The following SLC24A4 variants were observed in gnomAD, a reference collection of about 807,000 sequenced individuals.
SLC24A4 encodes solute carrier family 24 member 4.
A neutral mutation model predicts 79.0 loss-of-function variants in SLC24A4; 53 were observed. The observed-to-expected ratio is 0.67, with a 90% confidence interval of 0.54 to 0.84. The LOEUF (loss-of-function observed/expected upper bound fraction) is 0.84, where lower values mean the gene tolerates loss of function less well. Ranked by LOEUF, SLC24A4 falls within the 40% of genes least tolerant of loss-of-function variation. The probability of loss-of-function intolerance (pLI) is 0.00; values close to 1 mark genes in which losing one functional copy is unlikely to be tolerated. For synonymous variants in SLC24A4, 323 were observed against 323.8 expected, an observed-to-expected ratio of 1.00 and a Z score of 0.03; for missense variants, 731 against 822.0, an observed-to-expected ratio of 0.89 and a Z score of 1.35.
intron 2 of SLC24A4, among the ~76,000 whole-genome samples, chr14:92,392,826 A>G (rs1477580457): frequency 2.1e-5 from 3 of 145,762 alleles, no homozygotes; most frequent in African/African-American, 7.3e-5. Context: ...TGTGAGGAAT[A>G]CCTCTTCCTC....
intron 13 of SLC24A4, chr14:92,484,335 A>G: frequency 5.1e-6 from 5 of 985,344 alleles, no homozygotes; most frequent in Non-Finnish European, 6.0e-6. Flanking sequence ...GTCCTTACTC[A>G]TGCAGCAGCC....
chr14:92,454,576 T>C (rs115364060), intron 11 of SLC24A4, among the ~76,000 whole-genome samples: 1,759 of 152,326 alleles, frequency 0.012, 26 homozygotes, highest in African/African-American at 0.039. Flanking sequence ...CAAAGATAGG[T>C]TCATTGCTCA....
At chr14:92,331,712 A>G (rs573889018) in intron 2 of SLC24A4, among the ~76,000 whole-genome samples, 39 of 152,334 alleles carry the variant, frequency 2.6e-4, no homozygotes, top group African/African-American at 8.7e-4. Flanking sequence ...AATGAAGGTG[A>G]TAATTACAGT....
chr14:92,360,735 C>T (rs879263167), intron 2 of SLC24A4, among the ~76,000 whole-genome samples: 12 of 152,224 alleles, frequency 7.9e-5, no homozygotes, highest in Admixed American at 6.5e-5. Flanking sequence ...ACGCATTGCA[C>T]ATCCTCCATC....
chr14:92,479,012 AAC>A (rs1179756394), intron 12 of SLC24A4, among the ~76,000 whole-genome samples: 2 of 152,290 alleles, frequency 1.3e-5, no homozygotes, highest in Non-Finnish European at 2.9e-5. Flanking sequence ...AATGTAGAAA[AAC>A]ACAACTGAAT....
chr14:92,399,167 C>T (rs906903305), intron 2 of SLC24A4, among the ~76,000 whole-genome samples: 8 of 152,174 alleles, frequency 5.3e-5, no homozygotes, highest in Non-Finnish European at 8.8e-5. Flanking sequence ...ATAGAGTTCT[C>T]TGGACCCTGG....
At chr14:92,426,498 G>T (rs1399790506) in intron 2 of SLC24A4, among the ~76,000 whole-genome samples, 1 of 152,194 alleles carries the variant, frequency 6.6e-6, no homozygotes, top group Non-Finnish European at 1.5e-5. Flanking sequence ...TATAGTGGTT[G>T]CTCCTGGAAA....
At chr14:92,368,667 A>G (rs987433527) in intron 2 of SLC24A4, among the ~76,000 whole-genome samples, 3 of 152,174 alleles carry the variant, frequency 2.0e-5, no homozygotes, top group Non-Finnish European at 2.9e-5. Flanking sequence ...AAGCAGAAGT[A>G]TGGGCAGTAA....
intron 2 of SLC24A4, among the ~76,000 whole-genome samples, chr14:92,390,086 A>T (rs1009580279): frequency 6.0e-5 from 9 of 150,396 alleles, no homozygotes; most frequent in Non-Finnish European, 1.2e-4. Context: ...CTCCTTCCTT[A>T]TCTCAGGTCT....
intron 16 of SLC24A4, chr14:92,492,743 A>C: frequency 2.4e-6 from 1 of 412,304 alleles, no homozygotes; most frequent in Non-Finnish European, 4.9e-6. Flanking sequence ...AACTTTCCCA[A>C]GGTCACAGAA....
intron 2 of SLC24A4, among the ~76,000 whole-genome samples, chr14:92,388,189 C>T (rs1889270191): frequency 6.6e-6 from 1 of 152,190 alleles, no homozygotes; most frequent in South Asian, 2.1e-4. Context: ...CACTCCCAGC[C>T]TCCCCTTGGC....
intron 12 of SLC24A4, among the ~76,000 whole-genome samples, chr14:92,471,907 T>G (rs1894458663): frequency 6.6e-6 from 1 of 152,150 alleles, no homozygotes; most frequent in Non-Finnish European, 1.5e-5. Context: ...CCAATTCACA[T>G]TAGCAAAAAG....
intron 12 of SLC24A4, among the ~76,000 whole-genome samples, chr14:92,469,704 A>G (rs1006349137): frequency 2.6e-5 from 4 of 152,254 alleles, no homozygotes; most frequent in African/African-American, 9.6e-5. Context: ...GAAATGTGGT[A>G]TATCCATATA....
chr14:92,420,344 G>A (rs1269291048), intron 2 of SLC24A4, among the ~76,000 whole-genome samples: 2 of 152,194 alleles, frequency 1.3e-5, no homozygotes, highest in Non-Finnish European at 2.9e-5. Flanking sequence ...GCCGGGCACA[G>A]TGGCATGTGC....
chr14:92,393,566 T>TTTA (rs1555365263), intron 2 of SLC24A4, among the ~76,000 whole-genome samples: 1 of 146,214 alleles, frequency 6.8e-6, no homozygotes, highest in African/African-American at 2.6e-5. Flanking sequence ...TTTTTTTTTT[T>TTTA]ACGGAGTCTC....
intron 10 of SLC24A4, among the ~76,000 whole-genome samples, chr14:92,449,462 A>G (rs1893016742): frequency 6.6e-6 from 1 of 152,142 alleles, no homozygotes; most frequent in Admixed American, 6.5e-5. Flanking sequence ...ACCAGGAAAG[A>G]GAAAAACCAC....
chr14:92,337,495 G>A (rs543981614), intron 2 of SLC24A4, among the ~76,000 whole-genome samples: 5 of 152,280 alleles, frequency 3.3e-5, no homozygotes, highest in African/African-American at 9.6e-5. Flanking sequence ...CTAGCCTGTC[G>A]GTGCCTTGGG....
At chr14:92,325,838 A>G in intron 1 of SLC24A4, 30 bp from the exon 2 acceptor site, 1 of 1,399,200 alleles carries the variant, frequency 7.1e-7, no homozygotes, top group Non-Finnish European at 1.0e-6. Flanking sequence ...CACTGACCTA[A>G]TGGTATCTGT....
At chr14:92,488,108 G>A (rs1322995315) in intron 14 of SLC24A4, among the ~76,000 whole-genome samples, 2 of 131,734 alleles carry the variant, frequency 1.5e-5, no homozygotes, top group South Asian at 2.3e-4. Context: ...GTCTCACTCT[G>A]TCACCCAGGC....
Sources: allele counts gnomAD v4.1 joint callset (sites outside exome capture counted in the v4.1 genomes callset), GRCh38; gene constraint gnomAD v4.1.1; transcripts MANE v1.5; gene names NCBI Gene and HGNC (gene_info 2026-07-23, HGNC 2026-07-21).